Variants in PCDHA1 observed in about 807,000 individuals in gnomAD.
PCDHA1 encodes the protein protocadherin alpha 1.
A neutral mutation model predicts 61.3 loss-of-function variants in PCDHA1; 42 were observed. That is an observed-to-expected ratio of 0.69 (90% confidence interval 0.54 to 0.89). PCDHA1 has a LOEUF of 0.89. PCDHA1 is among the 40% of genes least tolerant of loss of function. The pLI is 0.00. For synonymous variants in PCDHA1, 610 were observed against 553.8 expected, an observed-to-expected ratio of 1.10 and a Z score of -1.43; for missense variants, 1,256 against 1,235.3, an observed-to-expected ratio of 1.02 and a Z score of -0.25.
chr5:140,866,062 C>T (rs1312576527), intron 1 of PCDHA1: 2 of 152,092 alleles, frequency 1.3e-5, no homozygotes, highest in Non-Finnish European at 2.9e-5. Context: ...ATCAATGCCA[C>T]ACTGAGATAG....
intron 1 of PCDHA1, chr5:140,808,796 G>A (rs782615790): frequency 6.2e-7 from 1 of 1,612,614 alleles, no homozygotes; most frequent in South Asian, 1.1e-5. Context: ...TCAGGTGACC[G>A]CTCGCGATGC....
rs2150198335 is a variant in PCDHA1 at position 140,831,925 on chromosome 5, C to G, written c.2394+43241C>G. Among the ~76,000 whole-genome samples, 3 of 152,254 alleles carry G rather than the reference C, an allele frequency of 2.0e-5. No individual in the cohort carries two copies. In the South Asian group the frequency reaches 6.2e-4, roughly 32 times the overall value. On this transcript the variant is annotated intron_variant, in intron 1 of 3. Transcript: ENST00000504120. ...TAGCAAGTGCTTAAAAAATTTGCTACTAGTTTTCCGAAGAGGAAAAGAAAA... is the reference window on the plus strand; with the variant it reads ...TAGCAAGTGCTTAAAAAATTTGCTAGTAGTTTTCCGAAGAGGAAAAGAAAA...
chr5:140,948,385 T>A (rs909867343), intron 1 of PCDHA1, among the ~76,000 whole-genome samples: 4 of 151,622 alleles, frequency 2.6e-5, no homozygotes, highest in Admixed American at 2.6e-4. Flanking sequence ...TTCCTCTATT[T>A]TCTGAAAGGT....
At chr5:140,870,292 G>A (rs782159013) in intron 1 of PCDHA1, 1 of 1,614,176 alleles carries the variant, frequency 6.2e-7, no homozygotes, top group Non-Finnish European at 8.5e-7. Context: ...CTTCAAGCTG[G>A]TGTCCACCTT....
chr5:140,990,184 A>G lies in PCDHA1; in HGVS notation c.2542+7621A>G, dbSNP rs1230599539. 1.3e-5 allele frequency among the ~76,000 whole-genome samples: 2 copies of G among 152,158 alleles called. 1 individual carries two copies. The highest frequency in any genetic ancestry group is 2.9e-5 in the Non-Finnish European group (2 of 68,034). ...GGGTATGAAAAGGTGACTTTTAAGA[A>G]CCAAATGTGGACCCGAAAGAGAACA... is the stretch of plus-strand genomic sequence containing the variant. On this transcript the variant is annotated intron_variant, in intron 3 of 3. Transcript: ENST00000504120.
intron 1 of PCDHA1, chr5:140,854,476 A>G (rs1156843367): frequency 6.7e-6 from 1 of 150,032 alleles, no homozygotes. Flanking sequence ...GTAGAGAAGT[A>G]TAGAAACAGA....
chr5:140,870,344 G>A (rs782661960), intron 1 of PCDHA1: 1 of 1,614,196 alleles, frequency 6.2e-7, no homozygotes, highest in Admixed American at 1.7e-5. Flanking sequence ...GCCCTGGACC[G>A]CGAGAACGTG....
intron 1 of PCDHA1, among the ~76,000 whole-genome samples, chr5:140,976,972 C>T (rs969505831): frequency 2.6e-5 from 4 of 152,182 alleles, no homozygotes; most frequent in Non-Finnish European, 5.9e-5. Flanking sequence ...TTCCTTTTCC[C>T]TGCCTGATCT....
At chr5:140,825,958 C>T (rs2150141967) in intron 1 of PCDHA1, 17 of 152,338 alleles carry the variant, frequency 1.1e-4, no homozygotes, top group African/African-American at 2.7e-4. Context: ...CATTTGTCTA[C>T]TCTTTTGAGG....
At chr5:141,001,473 G>A (rs1172395730) in intron 3 of PCDHA1, among the ~76,000 whole-genome samples, 1 of 152,220 alleles carries the variant, frequency 6.6e-6, no homozygotes, top group African/African-American at 2.4e-5. Flanking sequence ...AAGCAGCAGC[G>A]GGGAAGTGCT....
intron 1 of PCDHA1, chr5:140,861,416 C>A (rs1053647411): frequency 8.4e-6 from 4 of 476,934 alleles, no homozygotes; most frequent in African/African-American, 6.0e-5. Context: ...TGATACCGCG[C>A]CTGTTTCAGT....
chr5:140,883,251 T>C, intron 1 of PCDHA1: 1 of 1,614,086 alleles, frequency 6.2e-7, no homozygotes, highest in Non-Finnish European at 8.5e-7. Flanking sequence ...AAAGGAAATA[T>C]TCCAATGGCG....
chr5:140,823,408 G>A lies in PCDHA1; in HGVS notation c.2394+34724G>A, dbSNP rs143450009. On this transcript the variant is annotated intron_variant, in intron 1 of 3. Coordinates refer to ENST00000504120, the MANE Select transcript of PCDHA1 (RefSeq NM_018900.4). ...GCGCGACGCGGGCGTGCCGCCTCTGGGCAGCAACGTGACGCTGCAGGTGTT... is the reference window on the plus strand; with the variant it reads ...GCGCGACGCGGGCGTGCCGCCTCTGAGCAGCAACGTGACGCTGCAGGTGTT... 1.1e-4 allele frequency: 171 copies of A among 1,613,150 alleles called. No homozygotes were observed. The African/African-American group carries it at 1.9e-3, about 18-fold the overall frequency.
At chr5:140,792,606 G>GCA (rs1328230906) in intron 1 of PCDHA1, among the ~76,000 whole-genome samples, 2 of 152,036 alleles carry the variant, frequency 1.3e-5, no homozygotes, top group Non-Finnish European at 2.9e-5. Flanking sequence ...CTAAATAACA[G>GCA]CACAAAATGC....
At chr5:140,993,407 C>T (rs2097554546) in intron 3 of PCDHA1, among the ~76,000 whole-genome samples, 1 of 151,550 alleles carries the variant, frequency 6.6e-6, no homozygotes, top group African/African-American at 2.4e-5. Context: ...TAACCACCTT[C>T]ATCAGCATTT....
intron 3 of PCDHA1, among the ~76,000 whole-genome samples, chr5:140,992,671 T>C (rs932477687): frequency 1.3e-5 from 2 of 152,116 alleles, no homozygotes; most frequent in African/African-American, 4.8e-5. Context: ...GGTGTGTATG[T>C]GTGTGTTAGG....
intron 1 of PCDHA1, chr5:140,830,507 A>G (rs1226848199): frequency 1.4e-6 from 2 of 1,423,508 alleles, no homozygotes; most frequent in Non-Finnish European, 1.9e-6. Context: ...TTCATAATTA[A>G]CAGTTAATTT....
intron 1 of PCDHA1, chr5:140,863,475 C>T: frequency 2.1e-6 from 1 of 481,584 alleles, no homozygotes; most frequent in South Asian, 1.6e-5. Flanking sequence ...TGGAGAGTCG[C>T]CTCCCAAGGT....
intron 1 of PCDHA1, chr5:140,803,415 G>C (rs1763194782): frequency 6.2e-7 from 1 of 1,614,110 alleles, no homozygotes; most frequent in South Asian, 1.1e-5. Context: ...GCCCACGCTG[G>C]TGTGCTCCAG....
Sources: gnomAD v4.1 joint callset for allele counts (sites outside exome capture counted in the v4.1 genomes callset) on GRCh38, gnomAD v4.1.1 for gene constraint, MANE v1.5 for transcripts, NCBI Gene and HGNC (gene_info 2026-07-23, HGNC 2026-07-21) for gene names.